The following CENPW variants were observed in gnomAD, a reference collection of about 807,000 sequenced individuals.
The protein encoded by CENPW is centromere protein W.
In CENPW, 3 loss-of-function variants were observed where a neutral mutation model predicts 11.1. That is an observed-to-expected ratio of 0.27 (90% CI 0.12 to 0.70). The LOEUF is 0.70. Ranked by LOEUF, CENPW falls within the 30% of genes least tolerant of loss-of-function variation. The probability of loss-of-function intolerance (pLI) is 0.77; values close to 1 mark genes in which losing one functional copy is unlikely to be tolerated. For missense variants in CENPW, 100 were observed against 105.6 expected (o/e 0.95, Z 0.23); for synonymous variants, 38 against 42.0 (o/e 0.91, Z 0.37).
chr6:126,389,611 T>C, the CENPW span, among the ~76,000 whole-genome samples: 1 of 151,662 alleles, frequency 6.6e-6, no homozygotes. Flanking sequence ...AGTTCCATAA[T>C]ACTCAGCTCT....
chr6:126,434,710 C>T, the CENPW span, among the ~76,000 whole-genome samples: 1 of 151,872 alleles, frequency 6.6e-6, no homozygotes, highest in Admixed American at 6.6e-5. Context: ...TAAAACATTG[C>T]TATTAACTTG....
the CENPW span, among the ~76,000 whole-genome samples, chr6:126,430,190 C>T: frequency 6.6e-6 from 1 of 152,126 alleles, no homozygotes; most frequent in Non-Finnish European, 1.5e-5. Context: ...CTCTCCCCAC[C>T]CTTGATTTAT....
the CENPW span, among the ~76,000 whole-genome samples, chr6:126,461,623 T>C: frequency 2.3e-4 from 35 of 152,036 alleles, no homozygotes; most frequent in African/African-American, 7.2e-4. Context: ...AAAATTTTGA[T>C]ATGAGAAATA....
At chr6:126,426,016 T>C in the CENPW span, among the ~76,000 whole-genome samples, 1 of 152,110 alleles carries the variant, frequency 6.6e-6, no homozygotes, top group African/African-American at 2.4e-5. Context: ...ACCAGATCCT[T>C]ATAATACACT....
chr6:126,468,202 C>T, the CENPW span, among the ~76,000 whole-genome samples: 1 of 151,800 alleles, frequency 6.6e-6, no homozygotes, highest in Non-Finnish European at 1.5e-5. Context: ...GGGCAGATCA[C>T]CTGAGGTTGG....
chr6:126,467,311 C>T, the CENPW span, among the ~76,000 whole-genome samples: 3 of 152,062 alleles, frequency 2.0e-5, no homozygotes, highest in African/African-American at 7.2e-5. Context: ...ACCAATGGAA[C>T]AGAATAGAGA....
the CENPW span, among the ~76,000 whole-genome samples, chr6:126,362,399 C>T: frequency 6.6e-6 from 1 of 152,148 alleles, no homozygotes; most frequent in Non-Finnish European, 1.5e-5. Flanking sequence ...TGAGATTGAG[C>T]TGTCCCTCAG....
At chr6:126,438,248 A>C in the CENPW span, among the ~76,000 whole-genome samples, 6 of 151,698 alleles carry the variant, frequency 4.0e-5, no homozygotes, top group Non-Finnish European at 5.9e-5. Context: ...TTCTCTTATT[A>C]TATAAACCTA....
the CENPW span, among the ~76,000 whole-genome samples, chr6:126,466,806 CA>C: frequency 2.0e-5 from 3 of 152,020 alleles, no homozygotes; most frequent in African/African-American, 7.2e-5. Flanking sequence ...GATACAATAT[CA>C]ATGTACAAAA....
the CENPW span, among the ~76,000 whole-genome samples, chr6:126,443,900 A>C: frequency 1.3e-5 from 2 of 151,202 alleles, no homozygotes; most frequent in Non-Finnish European, 3.0e-5. Context: ...GTGTGTTCAC[A>C]AAAAGTTCAA....
the CENPW span, among the ~76,000 whole-genome samples, chr6:126,400,659 TTATA>T: frequency 6.6e-6 from 1 of 152,084 alleles, no homozygotes; most frequent in Admixed American, 6.6e-5. Flanking sequence ...GGAGTTCTGA[TTATA>T]TATTTATTAA....
At chr6:126,400,474 C>CA in the CENPW span, among the ~76,000 whole-genome samples, 11 of 151,950 alleles carry the variant, frequency 7.2e-5, no homozygotes, top group Admixed American at 6.6e-5. Context: ...ATATATACAT[C>CA]TGTGTTTCTT....
the CENPW span, among the ~76,000 whole-genome samples, chr6:126,454,073 A>C: frequency 1.3e-5 from 2 of 151,498 alleles, no homozygotes; most frequent in African/African-American, 2.4e-5. Flanking sequence ...TTCATAAAGC[A>C]AGCTCTTAGA....
At chr6:126,472,784 T>C in the CENPW span, among the ~76,000 whole-genome samples, 19 of 152,342 alleles carry the variant, frequency 1.2e-4, no homozygotes, top group African/African-American at 4.6e-4. Flanking sequence ...TTACAGTTCC[T>C]CCACATCCTT....
the CENPW span, among the ~76,000 whole-genome samples, chr6:126,415,954 A>G: frequency 6.6e-6 from 1 of 152,172 alleles, no homozygotes; most frequent in South Asian, 2.1e-4. Flanking sequence ...GAAAATGTGG[A>G]AGCAACTTTG....
chr6:126,458,475 G>T, the CENPW span, among the ~76,000 whole-genome samples: 1 of 150,974 alleles, frequency 6.6e-6, no homozygotes, highest in Non-Finnish European at 1.5e-5. Context: ...ATTTTTCCAG[G>T]CTTCTACCAC....
chr6:126,481,262 G>C, the CENPW span, among the ~76,000 whole-genome samples: 1 of 151,898 alleles, frequency 6.6e-6, no homozygotes. Flanking sequence ...TTGTGTAGTG[G>C]ATATAACTAA....
chr6:126,361,098 G>A, the CENPW span, among the ~76,000 whole-genome samples: 1 of 152,148 alleles, frequency 6.6e-6, no homozygotes, highest in Non-Finnish European at 1.5e-5. Flanking sequence ...TTCATTTCGC[G>A]ATGCATTCAG....
At chr6:126,477,829 G>A in the CENPW span, among the ~76,000 whole-genome samples, 1 of 150,434 alleles carries the variant, frequency 6.6e-6, no homozygotes, top group Non-Finnish European at 1.5e-5. Flanking sequence ...AAGCTTCTAG[G>A]TTCTAGAACA....
Sources: gnomAD v4.1 joint callset for allele counts (sites outside exome capture counted in the v4.1 genomes callset) on GRCh38, gnomAD v4.1.1 for gene constraint, MANE v1.5 for transcripts, NCBI Gene and HGNC (gene_info 2026-07-23, HGNC 2026-07-21) for gene names.